The following CDKL5 variants were observed in gnomAD, a reference collection of about 807,000 sequenced individuals.
CDKL5 encodes cyclin dependent kinase like 5.
CDKL5 carries 8 observed loss-of-function variants against 61.7 expected under a neutral mutation model. The observed-to-expected ratio is 0.13, with a 90% CI of 0.08 to 0.23. CDKL5 has a LOEUF of 0.23. CDKL5 is among the 10% of genes least tolerant of loss of function. The pLI is 1.00. For synonymous variants in CDKL5, 275 were observed against 272.3 expected, an observed-to-expected ratio of 1.01 and a Z score of -0.10; for missense variants, 440 against 734.5, an observed-to-expected ratio of 0.60 and a Z score of 4.63.
chrX:18,458,610 G>A (rs1932203576), intron 1 of CDKL5, among the ~76,000 whole-genome samples: 1 of 111,506 alleles, frequency 9.0e-6, no homozygotes. Context: ...TGGGAGTTAT[G>A]GTGGAGGTGG....
rs1349518786 is a variant in CDKL5, at chrX:18,653,322, A to T, written c.2981-110A>T. On this transcript the variant is annotated intron_variant, in intron 21 of 21. Transcript: ENST00000379989. ...GCATTAAAGTGAAGATTAGGAGGCC[A>T]GAATGCATGTGGCCTTCTGCTCCGT... is the stretch of plus-strand genomic sequence containing the variant. The T allele has an allele frequency of 2.6e-6, 3 of 1,152,271 alleles. No homozygotes were observed. In the African/African-American group the frequency reaches 5.4e-5, roughly 21 times the overall value. 95.0% of individuals were successfully genotyped at this position (1,152,271 alleles called of 1,213,427 possible).
At chrX:18,540,474 G>A (rs970815403) in intron 3 of CDKL5, among the ~76,000 whole-genome samples, 5 of 111,539 alleles carry the variant, frequency 4.5e-5, no homozygotes, top group African/African-American at 1.3e-4. Flanking sequence ...ACCACGCCTG[G>A]CTGGTTATCT....
exon 22 of CDKL5, chrX:18,653,604 A>T: frequency 8.8e-6 from 10 of 1,139,262 alleles, no homozygotes; most frequent in Non-Finnish European, 9.5e-6. Flanking sequence ...GGAAGAACCA[A>T]TTAACACCAA....
chrX:18,635,548 CAG>C lies in CDKL5; in HGVS notation c.*6793_*6794del. ...CTTTGAGGTTGTAATCAGTTTGAGA[CAG>C]AAATTAATGTAAAACTAGGCAAATC... On this transcript the variant is annotated 3_prime_UTR_variant, in exon 18 of 18. Coordinates refer to ENST00000623535, the MANE Select transcript of CDKL5 (RefSeq NM_001323289.2). 1.3e-6 allele frequency: 1 copy of C among 751,463 alleles called. No homozygotes were observed. The highest frequency in any genetic ancestry group is 1.6e-6 in the Non-Finnish European group (1 of 636,673). 61.9% of individuals were successfully genotyped at this position (751,463 alleles called of 1,213,427 possible).
intron 1 of CDKL5, among the ~76,000 whole-genome samples, chrX:18,465,774 A>G (rs925036164): frequency 1.3e-4 from 15 of 112,275 alleles, no homozygotes; most frequent in Non-Finnish European, 2.3e-4. Flanking sequence ...GATAGAATTG[A>G]CATCTTTACA....
intron 3 of CDKL5, among the ~76,000 whole-genome samples, chrX:18,543,751 A>G (rs1248984922): frequency 3.6e-5 from 4 of 111,758 alleles, no homozygotes; most frequent in Non-Finnish European, 7.5e-5. Context: ...ATAGTTTTGT[A>G]GAGTTCAAAG....
chrX:18,586,210 T>G (rs1925640855), intron 8 of CDKL5, among the ~76,000 whole-genome samples: 1 of 112,010 alleles, frequency 8.9e-6, no homozygotes, highest in African/African-American at 3.2e-5. Flanking sequence ...ATCTTAGAAT[T>G]AGGATTGATT....
At position 18,452,280 on chromosome X, in the gene CDKL5, G is replaced by A. The variant is rs1180162485; in HGVS notation, c.-163+26585G>A. ...ACTCTGTATTTAGCTGTCTGTAGTT[G>A]GTTGTCTTAGATAGTGAAATATGGT... On this transcript the variant is annotated intron_variant, in intron 1 of 17. Coordinates refer to ENST00000623535, the MANE Select transcript of CDKL5 (RefSeq NM_001323289.2). 2.1e-4 allele frequency among the ~76,000 whole-genome samples: 23 copies of A among 111,863 alleles called. No homozygotes were observed. In the Admixed American group the frequency reaches 2.2e-3, roughly 11 times the overall value.
chrX:18,457,658 C>A (rs1383332856), intron 1 of CDKL5: 1 of 110,681 alleles, frequency 9.0e-6, no homozygotes, highest in Non-Finnish European at 1.9e-5. Flanking sequence ...CTCTGTTGCC[C>A]AGGCTGGAGT....
In CDKL5 at chrX:18,604,963, A is replaced by G; in HGVS notation, c.1944+95A>G. The G allele has an allele frequency of 2.9e-6, 3 of 1,019,999 alleles. No individual in the cohort carries two copies. The South Asian group carries it at 5.7e-5, about 19-fold the overall frequency. The allele number at this position is 1,019,999 out of a possible 1,213,427, so 84.1% of individuals were successfully genotyped here. A position where few individuals can be genotyped will look rare whatever the true frequency, so the allele number is the denominator to read the frequency against. On this transcript the variant is annotated intron_variant, in intron 12 of 17. Coordinates refer to ENST00000623535, the MANE Select transcript of CDKL5 (RefSeq NM_001323289.2). ...GTCCATCTACTATTTTCCCTACTAC[A>G]GGAGGTTGTGCTTTTCTTGATAGGA...
chrX:18,500,559 T>A (rs1922346144), intron 1 of CDKL5, among the ~76,000 whole-genome samples: 1 of 111,978 alleles, frequency 8.9e-6, no homozygotes, highest in South Asian at 3.7e-4. Context: ...TTCTTCACAA[T>A]CTTGTTAAGT....
chrX:18,577,571 C>T (rs1033148191), intron 5 of CDKL5, among the ~76,000 whole-genome samples: 5 of 112,330 alleles, frequency 4.5e-5, no homozygotes, highest in African/African-American at 1.3e-4. Flanking sequence ...GGCAGCTCTG[C>T]TCCACCACAG....
chrX:18,610,281 C>T (rs1049306415), intron 14 of CDKL5, among the ~76,000 whole-genome samples: 1 of 112,635 alleles, frequency 8.9e-6, no homozygotes, highest in Non-Finnish European at 1.9e-5. Context: ...GCTGTGCCCT[C>T]CTCTGGCCTG....
At chrX:18,595,162 A>G (rs1303189284) in intron 9 of CDKL5, among the ~76,000 whole-genome samples, 186 bp from the exon 10 acceptor site, 1 of 112,227 alleles carries the variant, frequency 8.9e-6, no homozygotes, top group Admixed American at 9.4e-5. Flanking sequence ...AGCCTGGGCA[A>G]CAGCATGAAA....
At chrX:18,443,447 A>T (rs1045787996) in intron 1 of CDKL5, among the ~76,000 whole-genome samples, 1 of 112,238 alleles carries the variant, frequency 8.9e-6, no homozygotes, top group East Asian at 2.8e-4. Context: ...TTCATCATCC[A>T]GGTAATAAGC....
chrX:18,485,854 T>G (rs1286400520), intron 1 of CDKL5, among the ~76,000 whole-genome samples: 1 of 111,959 alleles, frequency 8.9e-6, no homozygotes, highest in Admixed American at 9.5e-5. Context: ...CTGCTGTTCT[T>G]TCTTTAACTA....
chrX:18,432,609 T>C (rs1363019753), intron 1 of CDKL5, among the ~76,000 whole-genome samples: 2 of 104,111 alleles, frequency 1.9e-5, no homozygotes, highest in East Asian at 3.0e-4. Context: ...ATGTCTTTTT[T>C]TTTTTTTTTT....
intron 1 of CDKL5, among the ~76,000 whole-genome samples, chrX:18,503,030 C>T (rs1478449633): frequency 8.9e-6 from 1 of 111,861 alleles, no homozygotes; most frequent in Non-Finnish European, 1.9e-5. Flanking sequence ...GAATTGATAC[C>T]TTTATAGTTT....
intron 11 of CDKL5, among the ~76,000 whole-genome samples, chrX:18,602,784 C>CA (rs767147535): frequency 2.1e-4 from 23 of 110,709 alleles, no homozygotes; most frequent in Non-Finnish European, 9.5e-5. Flanking sequence ...TCTACATGAA[C>CA]AAAAAAAAGT....
Sources: gnomAD v4.1 joint callset for allele counts (sites outside exome capture counted in the v4.1 genomes callset) on GRCh38, gnomAD v4.1.1 for gene constraint, MANE v1.5 for transcripts, NCBI Gene and HGNC (gene_info 2026-07-23, HGNC 2026-07-21) for gene names.